IL20RB: variants seen among roughly 807,000 people sequenced by gnomAD.
IL20RB encodes the protein interleukin-20 receptor subunit beta.
In IL20RB, 21 loss-of-function variants were observed where a neutral mutation model predicts 33.3. The observed-to-expected ratio is 0.63, with a 90% CI of 0.45 to 0.91. The LOEUF is 0.91. IL20RB is among the 40% of genes least tolerant of loss of function. The probability of loss-of-function intolerance (pLI) is 0.00; values close to 1 mark genes in which losing one functional copy is unlikely to be tolerated. For missense variants in IL20RB, 345 were observed against 384.8 expected, an observed-to-expected ratio of 0.90 and a Z score of 0.86; for synonymous variants, 147 against 146.8, an observed-to-expected ratio of 1.00 and a Z score of -0.01.
chr3:136,959,757 A>G (rs1437994088), intron 1 of IL20RB, among the ~76,000 whole-genome samples: 1 of 152,220 alleles, frequency 6.6e-6, no homozygotes, highest in Non-Finnish European at 1.5e-5. Flanking sequence ...TGGTGAAATC[A>G]CAAGGATGTC....
At chr3:136,977,618 T>C (rs905954172) in intron 1 of IL20RB, among the ~76,000 whole-genome samples, 1 of 152,048 alleles carries the variant, frequency 6.6e-6, no homozygotes, top group East Asian at 1.9e-4. Flanking sequence ...CTCCACCTCC[T>C]GGGTTCAAGC....
chr3:136,975,300 T>A (rs915315132), intron 1 of IL20RB, among the ~76,000 whole-genome samples: 11 of 152,272 alleles, frequency 7.2e-5, no homozygotes, highest in South Asian at 4.1e-4. Flanking sequence ...ATCTGTGGTG[T>A]TCATTGGCTA....
chr3:136,987,626 C>T (rs571106382), intron 3 of IL20RB, among the ~76,000 whole-genome samples: 46 of 152,196 alleles, frequency 3.0e-4, no homozygotes, highest in Non-Finnish European at 4.7e-4. Flanking sequence ...GACTGGGCGC[C>T]GTGGAGCAGG....
chr3:136,973,808 A>G (rs1941549915), intron 1 of IL20RB, among the ~76,000 whole-genome samples: 1 of 152,026 alleles, frequency 6.6e-6, no homozygotes, highest in Non-Finnish European at 1.5e-5. Context: ...ATTTATCACT[A>G]TATAGTAACC....
intron 3 of IL20RB, among the ~76,000 whole-genome samples, chr3:136,987,160 T>G (rs1332516802): frequency 1.3e-5 from 2 of 152,040 alleles, no homozygotes; most frequent in Non-Finnish European, 1.5e-5. Flanking sequence ...GCAGCCTGCT[T>G]TTATTCTCTT....
At chr3:137,009,978 G>A in intron 6 of IL20RB, 135 bp from the exon 7 acceptor site, 1 of 599,400 alleles carries the variant, frequency 1.7e-6, no homozygotes, top group Admixed American at 2.7e-5. Flanking sequence ...CTGATCTAGG[G>A]CTTGAAATTG....
intron 5 of IL20RB, among the ~76,000 whole-genome samples, chr3:136,993,680 C>T (rs1259339236): frequency 6.6e-6 from 1 of 150,944 alleles, no homozygotes; most frequent in East Asian, 2.0e-4. Context: ...GTATGGTTTT[C>T]TGTTCTCGCG....
chr3:136,991,163 A>T (rs1194503858), intron 4 of IL20RB, among the ~76,000 whole-genome samples: 2 of 152,202 alleles, frequency 1.3e-5, no homozygotes, highest in African/African-American at 4.8e-5. Context: ...GCTCCACTGC[A>T]CACTGATTCC....
intron 3 of IL20RB, 150 bp from the exon 4 acceptor site, chr3:136,989,291 G>T (rs1488487172): frequency 1.2e-6 from 1 of 804,184 alleles, no homozygotes; most frequent in Non-Finnish European, 2.0e-6. Flanking sequence ...GAGTATTTGT[G>T]TACATGTTTC....
intron 2 of IL20RB, among the ~76,000 whole-genome samples, chr3:136,981,204 T>C (rs752496631): frequency 6.6e-6 from 1 of 152,104 alleles, no homozygotes; most frequent in Non-Finnish European, 1.5e-5. Context: ...ATACAGATGA[T>C]AAATATACTA....
chr3:137,008,809 T>C (rs866789158), intron 6 of IL20RB, among the ~76,000 whole-genome samples: 2 of 152,212 alleles, frequency 1.3e-5, no homozygotes, highest in Middle Eastern at 3.2e-3. Context: ...GATATATTTG[T>C]TAAATAAAAT....
chr3:136,962,762 A>AC (rs1262789592), intron 1 of IL20RB, among the ~76,000 whole-genome samples: 1 of 118,344 alleles, frequency 8.4e-6, no homozygotes, highest in Non-Finnish European at 1.9e-5. Context: ...AAAAAAAAAC[A>AC]AAAAACTCAA....
intron 6 of IL20RB, among the ~76,000 whole-genome samples, chr3:137,003,696 A>G (rs766586582): frequency 1.4e-4 from 22 of 152,192 alleles, no homozygotes; most frequent in Non-Finnish European, 2.6e-4. Context: ...TAAATATACA[A>G]TCATGTCATC....
intron 6 of IL20RB, among the ~76,000 whole-genome samples, chr3:137,007,245 A>G (rs1942367620): frequency 1.3e-5 from 2 of 152,038 alleles, no homozygotes; most frequent in South Asian, 4.2e-4. Context: ...CACGGGGGTC[A>G]GTGACCCACT....
intron 6 of IL20RB, among the ~76,000 whole-genome samples, chr3:137,003,562 C>G (rs1360988166): frequency 6.6e-6 from 1 of 152,158 alleles, no homozygotes; most frequent in African/African-American, 2.4e-5. Flanking sequence ...CATTATTTGG[C>G]TCTCTGTCTG....
chr3:136,970,287 G>A (rs530942242), intron 1 of IL20RB, among the ~76,000 whole-genome samples: 84 of 151,970 alleles, frequency 5.5e-4, no homozygotes, highest in Admixed American at 1.1e-3. Context: ...TAGAGATAGC[G>A]TTTTGCCATA....
chr3:136,960,262 C>T (rs955813464), intron 1 of IL20RB, among the ~76,000 whole-genome samples: 3 of 149,752 alleles, frequency 2.0e-5, no homozygotes, highest in African/African-American at 7.4e-5. Context: ...ATTCTCCTGC[C>T]TCAGCCTCCT....
intron 6 of IL20RB, among the ~76,000 whole-genome samples, chr3:137,002,205 T>C (rs1330836946): frequency 6.6e-6 from 1 of 152,194 alleles, no homozygotes; most frequent in Non-Finnish European, 1.5e-5. Context: ...TCCAAGTCTT[T>C]GCTATTGTGA....
At chr3:137,001,277 G>A (rs1942237551) in intron 6 of IL20RB, among the ~76,000 whole-genome samples, 1 of 152,076 alleles carries the variant, frequency 6.6e-6, no homozygotes, top group African/African-American at 2.4e-5. Flanking sequence ...CTGTTCCTAC[G>A]TGCATTCCCT....
Sources: allele counts gnomAD v4.1 joint callset (sites outside exome capture counted in the v4.1 genomes callset), GRCh38; gene constraint gnomAD v4.1.1; transcripts MANE v1.5; gene names NCBI Gene and HGNC (gene_info 2026-07-23, HGNC 2026-07-21).